NEBL: variants seen among roughly 807,000 people sequenced by gnomAD.
NEBL encodes LIM and SH3 protein 2.
NEBL carries 122 observed loss-of-function variants against 140.2 expected under a neutral mutation model. The ratio of observed to expected loss-of-function variants is 0.87; its 90% confidence interval spans 0.75 to 1.01. The LOEUF is 1.01. NEBL is among the 50% of genes least tolerant of loss of function. The pLI is 0.00. For synonymous variants in NEBL, 436 were observed against 398.9 expected (o/e 1.09, Z -1.11); for missense variants, 1,365 against 1,231.3 (o/e 1.11, Z -1.62).
At chr10:20,953,569 T>A (rs1005153765) in intron 4 of NEBL, among the ~76,000 whole-genome samples, 3 of 148,720 alleles carry the variant, frequency 2.0e-5, no homozygotes, top group African/African-American at 7.5e-5. Context: ...TTCCCTATGA[T>A]ATATTAAGAT....
intron 3 of NEBL, among the ~76,000 whole-genome samples, chr10:21,205,211 T>A (rs143551607): frequency 1.5e-3 from 234 of 152,338 alleles, no homozygotes; most frequent in African/African-American, 5.3e-3. Context: ...GAAGGGATAC[T>A]ATTTACAAAG....
intron 4 of NEBL, among the ~76,000 whole-genome samples, chr10:20,953,651 A>G (rs1246392435): frequency 6.6e-6 from 1 of 152,058 alleles, no homozygotes; most frequent in Non-Finnish European, 1.5e-5. Context: ...ATGTTGCTAC[A>G]ATCCTTTGAT....
chr10:21,011,166 G>A (rs1029109876), intron 3 of NEBL, among the ~76,000 whole-genome samples: 2 of 152,170 alleles, frequency 1.3e-5, no homozygotes, highest in East Asian at 3.9e-4. Context: ...CTTATGCCCT[G>A]AAAAAGGTTA....
chr10:21,150,307 C>G (rs1024377376), intron 2 of NEBL, among the ~76,000 whole-genome samples: 1 of 152,220 alleles, frequency 6.6e-6, no homozygotes, highest in Non-Finnish European at 1.5e-5. Context: ...AACTTTCTGA[C>G]AAATTCTGCT....
intron 1 of NEBL, among the ~76,000 whole-genome samples, chr10:21,262,801 T>C (rs1431075698): frequency 6.6e-6 from 1 of 152,172 alleles, no homozygotes; most frequent in Non-Finnish European, 1.5e-5. Flanking sequence ...GATAATTGGC[T>C]GGTGGGTGTA....
chr10:20,936,835 A>C (rs1834516668), intron 4 of NEBL, among the ~76,000 whole-genome samples: 1 of 152,150 alleles, frequency 6.6e-6, no homozygotes, highest in Admixed American at 6.6e-5. Context: ...CTCCCACCTT[A>C]TGAATAAGCT....
At chr10:21,029,866 A>G (rs1238018501) in intron 2 of NEBL, 5 of 674,276 alleles carry the variant, frequency 7.4e-6, no homozygotes, top group Non-Finnish European at 1.1e-5. Flanking sequence ...ACCCAGGGAC[A>G]ATGACTACAG....
intron 3 of NEBL, among the ~76,000 whole-genome samples, chr10:20,978,146 C>T (rs998110908): frequency 6.6e-6 from 1 of 152,062 alleles, no homozygotes; most frequent in Non-Finnish European, 1.5e-5. Flanking sequence ...TAGGCAATTC[C>T]CCAGCTAAAA....
At chr10:21,054,772 A>C (rs1385829584) in intron 2 of NEBL, among the ~76,000 whole-genome samples, 1 of 152,190 alleles carries the variant, frequency 6.6e-6, no homozygotes, top group African/African-American at 2.4e-5. Context: ...GAAACTCTGC[A>C]TTAAAAGAAA....
At chr10:21,179,384 C>T (rs141811351), upstream of NEBL, among the ~76,000 whole-genome samples, 762 of 152,274 alleles carry the variant, frequency 5.0e-3, 6 homozygotes, top group Middle Eastern at 0.014. Flanking sequence ...AGGCCAGCTG[C>T]TCTGAAGGGC....
intron 3 of NEBL, among the ~76,000 whole-genome samples, chr10:21,018,943 C>T (rs755579221): frequency 1.3e-5 from 2 of 152,144 alleles, no homozygotes; most frequent in African/African-American, 2.4e-5. Flanking sequence ...CAGAGAACTG[C>T]GTGAAGCCGG....
intron 6 of NEBL, 146 bp from the exon 7 acceptor site, chr10:20,868,911 A>G: frequency 1.2e-5 from 8 of 663,394 alleles, no homozygotes; most frequent in South Asian, 3.5e-5. Context: ...GTTGACTGCT[A>G]AAGCAGAAAT....
At chr10:20,880,436 T>C (rs998836386) in intron 5 of NEBL, among the ~76,000 whole-genome samples, 3 of 152,202 alleles carry the variant, frequency 2.0e-5, no homozygotes, top group Non-Finnish European at 4.4e-5. Context: ...GGGCCATTGA[T>C]TCCTGATGGC....
intron 3 of NEBL, among the ~76,000 whole-genome samples, chr10:20,971,062 A>C (rs1836547976): frequency 6.6e-6 from 1 of 152,110 alleles, no homozygotes; most frequent in Non-Finnish European, 1.5e-5. Flanking sequence ...GAGACAAATA[A>C]CCTCCCAAGG....
At chr10:21,126,640 A>G (rs1034060405) in intron 2 of NEBL, among the ~76,000 whole-genome samples, 1 of 152,176 alleles carries the variant, frequency 6.6e-6, no homozygotes, top group African/African-American at 2.4e-5. Flanking sequence ...TTAATGGCTC[A>G]GATTAAGAGT....
intron 2 of NEBL, among the ~76,000 whole-genome samples, chr10:21,136,712 G>A (rs1341330046): frequency 6.6e-6 from 1 of 152,154 alleles, no homozygotes. Flanking sequence ...CTACTCTAAA[G>A]GGTCTCCATG....
intron 2 of NEBL, among the ~76,000 whole-genome samples, chr10:21,161,332 T>C (rs1049739266): frequency 6.6e-6 from 1 of 152,044 alleles, no homozygotes; most frequent in African/African-American, 2.4e-5. Flanking sequence ...ATACTCGTCC[T>C]CTATTCCTTC....
chr10:21,146,431 T>C, intron 2 of NEBL: 1 of 1,613,666 alleles, frequency 6.2e-7, no homozygotes, highest in Non-Finnish European at 8.5e-7. Flanking sequence ...TCATATAAGC[T>C]AGAGGACAGC....
At chr10:21,116,054 A>C (rs1159408346) in intron 2 of NEBL, among the ~76,000 whole-genome samples, 1 of 152,044 alleles carries the variant, frequency 6.6e-6, no homozygotes, top group Non-Finnish European at 1.5e-5. Context: ...TCAACTCTAG[A>C]AATTTAATGC....
Sources: allele counts gnomAD v4.1 joint callset (sites outside exome capture counted in the v4.1 genomes callset), GRCh38; gene constraint gnomAD v4.1.1; transcripts MANE v1.5; gene names NCBI Gene and HGNC (gene_info 2026-07-23, HGNC 2026-07-21).